The following GABRB1 variants were observed in gnomAD, a reference collection of about 807,000 sequenced individuals.
The protein encoded by GABRB1 is gamma-aminobutyric acid receptor subunit beta-1.
A neutral mutation model predicts 51.6 loss-of-function variants in GABRB1; 17 were observed. That is an observed-to-expected ratio of 0.33 (90% CI 0.23 to 0.49). GABRB1 has a LOEUF of 0.49. Among genes scored for constraint, GABRB1 ranks in the 20% least tolerant of loss-of-function variants. GABRB1 has a pLI of 0.99. For missense variants in GABRB1, 410 were observed against 600.6 expected, an observed-to-expected ratio of 0.68 and a Z score of 3.32; for synonymous variants, 247 against 218.9, an observed-to-expected ratio of 1.13 and a Z score of -1.14.
chr4:47,060,905 T>C (rs970150026), intron 3 of GABRB1, among the ~76,000 whole-genome samples: 1 of 152,208 alleles, frequency 6.6e-6, no homozygotes, highest in Non-Finnish European at 1.5e-5. Flanking sequence ...ATTTTAAGCA[T>C]TTTTCTGCTA....
At chr4:47,368,506 G>A (rs1198898734) in intron 5 of GABRB1, among the ~76,000 whole-genome samples, 1 of 152,134 alleles carries the variant, frequency 6.6e-6, no homozygotes, top group Non-Finnish European at 1.5e-5. Flanking sequence ...GCACAGGATA[G>A]CTCCTCAGGG....
At chr4:47,329,755 T>C (rs989808082) in intron 5 of GABRB1, among the ~76,000 whole-genome samples, 4 of 149,758 alleles carry the variant, frequency 2.7e-5, no homozygotes, top group Non-Finnish European at 5.9e-5. Context: ...TAATAGTATA[T>C]ATTATATACC....
intron 3 of GABRB1, among the ~76,000 whole-genome samples, chr4:47,123,717 G>GATATATC (rs557406727): frequency 0.54 from 31,413 of 58,462 alleles, 6,712 homozygotes; most frequent in South Asian, 0.62. Context: ...TATGATATAT[G>GATATATC]ATATATGATA....
At chr4:47,262,423 G>A (rs1722476701) in intron 4 of GABRB1, among the ~76,000 whole-genome samples, 1 of 152,148 alleles carries the variant, frequency 6.6e-6, no homozygotes, top group African/African-American at 2.4e-5. Flanking sequence ...CATTTATGCA[G>A]CCAACAGACA....
intron 1 of GABRB1, among the ~76,000 whole-genome samples, chr4:47,026,475 A>G (rs1332879465): frequency 1.3e-5 from 2 of 152,104 alleles, no homozygotes; most frequent in African/African-American, 4.8e-5. Context: ...ATTTTACTAT[A>G]AAATATGTAA....
At chr4:47,282,836 G>A (rs1011537570) in intron 4 of GABRB1, among the ~76,000 whole-genome samples, 1 of 152,142 alleles carries the variant, frequency 6.6e-6, no homozygotes, top group Non-Finnish European at 1.5e-5. Flanking sequence ...ACAGAACAAA[G>A]GAAGGTTCAG....
chr4:47,352,316 C>T (rs1408612118), intron 5 of GABRB1, among the ~76,000 whole-genome samples: 1 of 152,168 alleles, frequency 6.6e-6, no homozygotes, highest in African/African-American at 2.4e-5. Context: ...GATGGATTCA[C>T]AGCCGAATTC....
intron 5 of GABRB1, among the ~76,000 whole-genome samples, chr4:47,342,721 C>T (rs887778528): frequency 1.3e-5 from 2 of 152,106 alleles, no homozygotes; most frequent in African/African-American, 2.4e-5. Context: ...TTCTTTCTTA[C>T]AGAATCCATC....
chr4:47,053,269 T>C (rs113560794), intron 3 of GABRB1, among the ~76,000 whole-genome samples: 17 of 152,294 alleles, frequency 1.1e-4, no homozygotes, highest in African/African-American at 4.1e-4. Flanking sequence ...TCTGTGGCTA[T>C]AAACAACAAA....
intron 3 of GABRB1, among the ~76,000 whole-genome samples, chr4:47,116,862 C>T (rs956876537): frequency 6.6e-6 from 1 of 152,000 alleles, no homozygotes; most frequent in African/African-American, 2.4e-5. Flanking sequence ...ACAATCATGG[C>T]AGAAGGGCAA....
At chr4:47,374,381 C>T (rs1578130975) in intron 5 of GABRB1, among the ~76,000 whole-genome samples, 1 of 152,156 alleles carries the variant, frequency 6.6e-6, no homozygotes, top group Middle Eastern at 3.4e-3. Context: ...AGAGAGAGAC[C>T]CTGCCTCAGA....
chr4:47,076,621 C>A (rs1727561298), intron 3 of GABRB1, among the ~76,000 whole-genome samples: 1 of 152,008 alleles, frequency 6.6e-6, no homozygotes, highest in Non-Finnish European at 1.5e-5. Flanking sequence ...CACCGCCCCT[C>A]TGACAGCCAG....
At chr4:47,380,195 C>T (rs1188966077) in intron 5 of GABRB1, among the ~76,000 whole-genome samples, 1 of 152,072 alleles carries the variant, frequency 6.6e-6, no homozygotes, top group Non-Finnish European at 1.5e-5. Context: ...TTACTTGCCT[C>T]AGAATTAAAG....
intron 4 of GABRB1, among the ~76,000 whole-genome samples, chr4:47,252,537 TCACTCTGTCACC>T: frequency 7.0e-6 from 1 of 141,968 alleles, no homozygotes; most frequent in South Asian, 2.3e-4. Flanking sequence ...AGATGGAGTC[TCACTCTGTCACC>T]CAGGCTGGAG....
At chr4:47,246,334 GTACATATATATATATATATA>G (rs1721748159) in intron 4 of GABRB1, among the ~76,000 whole-genome samples, 1 of 7,652 alleles carries the variant, frequency 1.3e-4, no homozygotes, top group African/African-American at 4.3e-4. Context: ...ACACACATAT[GTACATATATATATATATATA>G]TATATATATA....
At chr4:47,075,189 AT>A (rs930532587) in intron 3 of GABRB1, among the ~76,000 whole-genome samples, 39 of 148,846 alleles carry the variant, frequency 2.6e-4, no homozygotes, top group East Asian at 1.4e-3. Context: ...GCATTGTGTG[AT>A]TTTTTTTTTT....
chr4:47,104,563 CA>C (rs1267697342), intron 3 of GABRB1, among the ~76,000 whole-genome samples: 2 of 151,274 alleles, frequency 1.3e-5, no homozygotes, highest in Non-Finnish European at 3.0e-5. Flanking sequence ...ATTACACATA[CA>C]TTAGATCATT....
chr4:47,414,795 C>T (rs566398262), intron 8 of GABRB1, among the ~76,000 whole-genome samples: 20 of 152,236 alleles, frequency 1.3e-4, no homozygotes, highest in African/African-American at 4.6e-4. Flanking sequence ...GTGGTTAATT[C>T]CAGGATGCAA....
At chr4:47,013,327 T>A (rs1344192166) in intron 1 of GABRB1, among the ~76,000 whole-genome samples, 1 of 152,154 alleles carries the variant, frequency 6.6e-6, no homozygotes, top group Non-Finnish European at 1.5e-5. Context: ...GCCCGGATAA[T>A]TTTTGTATTT....
Sources: gnomAD v4.1 joint callset for allele counts (sites outside exome capture counted in the v4.1 genomes callset) on GRCh38, gnomAD v4.1.1 for gene constraint, MANE v1.5 for transcripts, NCBI Gene and HGNC (gene_info 2026-07-23, HGNC 2026-07-21) for gene names.